The following BNC2 variants were observed in gnomAD, a reference collection of about 807,000 sequenced individuals.
BNC2 encodes zinc finger protein basonuclin-2.
A neutral mutation model predicts 76.3 loss-of-function variants in BNC2; 20 were observed. The ratio of observed to expected loss-of-function variants is 0.26; its 90% CI spans 0.18 to 0.38. The LOEUF (loss-of-function observed/expected upper bound fraction) is 0.38. Ranked by LOEUF, BNC2 falls within the 10% of genes least tolerant of loss-of-function variation. BNC2 has a pLI of 1.00. For synonymous variants in BNC2, 582 were observed against 514.8 expected, an observed-to-expected ratio of 1.13 and a Z score of -1.77; for missense variants, 1,382 against 1,399.8, an observed-to-expected ratio of 0.99 and a Z score of 0.20.
chr9:16,781,342 T>C (rs1046035846), intron 1 of BNC2, among the ~76,000 whole-genome samples: 4 of 151,970 alleles, frequency 2.6e-5, no homozygotes, highest in Admixed American at 2.6e-4. Flanking sequence ...TTTATTATTA[T>C]TATTATGTAT....
At position 16,785,725 on chromosome 9, in the gene BNC2, G is replaced by A. The variant is rs192332200; in HGVS notation, c.4-47240C>T. Among the ~76,000 whole-genome samples the A allele has an allele frequency of 6.8e-3, 1,034 of 151,358 alleles. 8 individuals are homozygous for A. The highest frequency in any genetic ancestry group is 8.4e-3 in the Non-Finnish European group (572 of 67,840). On this transcript the variant is annotated intron_variant, in intron 1 of 6. Transcript: ENST00000380672. Reference sequence around the variant, plus strand: ...TTACGAAAGAATGGATGCAGGCTGGGCGCATCCATTCTTGAGTAAATCAGT... The same window carrying A: ...TTACGAAAGAATGGATGCAGGCTGGACGCATCCATTCTTGAGTAAATCAGT...
At chr9:16,841,106 A>G (rs1258242453) in intron 1 of BNC2, among the ~76,000 whole-genome samples, 1 of 152,190 alleles carries the variant, frequency 6.6e-6, no homozygotes, top group African/African-American at 2.4e-5. Context: ...AAAGGTCACA[A>G]ATTAATGGGC....
At chr9:16,810,662 A>C (rs1471107604) in intron 1 of BNC2, among the ~76,000 whole-genome samples, 2 of 152,214 alleles carry the variant, frequency 1.3e-5, no homozygotes, top group Non-Finnish European at 2.9e-5. Flanking sequence ...TTTGTGCTTA[A>C]ATGAAACTGA....
intron 1 of BNC2, among the ~76,000 whole-genome samples, chr9:16,864,306 A>G (rs1586945974): frequency 6.6e-6 from 1 of 152,250 alleles, no homozygotes; most frequent in East Asian, 1.9e-4. Context: ...GAAAAAGATA[A>G]ACTGCTAATA....
intron 5 of BNC2, among the ~76,000 whole-genome samples, chr9:16,507,477 G>A (rs1206010663): frequency 6.6e-6 from 1 of 152,006 alleles, no homozygotes; most frequent in African/African-American, 2.4e-5. Context: ...TGCCCAAGCT[G>A]GAGTGCAGTG....
intron 5 of BNC2, among the ~76,000 whole-genome samples, chr9:16,470,558 A>AG (rs556534395): frequency 4.1e-4 from 63 of 152,320 alleles, no homozygotes; most frequent in African/African-American, 1.4e-3. Flanking sequence ...GGCTGAGCCC[A>AG]GGGTCCCCAT....
intron 4 of BNC2, among the ~76,000 whole-genome samples, chr9:16,553,502 A>G (rs1299076866): frequency 6.6e-6 from 1 of 152,350 alleles, no homozygotes. Context: ...TTTAAAAAGA[A>G]AGAAATAACA....
intron 1 of BNC2, chr9:16,867,719 C>T (rs1197133041): frequency 8.4e-6 from 1 of 119,154 alleles, no homozygotes; most frequent in Non-Finnish European, 1.6e-5. Flanking sequence ...CCTTTTTGAG[C>T]CAGTGTCCAA....
chr9:16,507,819 C>T (rs1023989902), intron 5 of BNC2, among the ~76,000 whole-genome samples: 20 of 152,200 alleles, frequency 1.3e-4, no homozygotes, highest in African/African-American at 4.6e-4. Context: ...CTTAATTACA[C>T]ATAGCACTAG....
At chr9:16,671,933 G>A (rs1434855289) in intron 3 of BNC2, among the ~76,000 whole-genome samples, 1 of 152,148 alleles carries the variant, frequency 6.6e-6, no homozygotes, top group Non-Finnish European at 1.5e-5. Flanking sequence ...AAATATACCT[G>A]TACATACATT....
chr9:16,804,305 G>A (rs749199635), intron 1 of BNC2, among the ~76,000 whole-genome samples: 12 of 152,318 alleles, frequency 7.9e-5, no homozygotes, highest in South Asian at 2.1e-4. Context: ...TCCCCAGAAC[G>A]TTTTGATGTA....
chr9:16,663,753 A>G (rs1036087613), intron 3 of BNC2, among the ~76,000 whole-genome samples: 2 of 152,236 alleles, frequency 1.3e-5, no homozygotes, highest in Non-Finnish European at 2.9e-5. Flanking sequence ...ACAAAATTTT[A>G]AAGAGTCAGG....
intron 1 of BNC2, among the ~76,000 whole-genome samples, chr9:16,796,700 T>G (rs1817664004): frequency 6.6e-6 from 1 of 152,086 alleles, no homozygotes; most frequent in Non-Finnish European, 1.5e-5. Context: ...AAGAAATCCT[T>G]ATTCCATAGA....
intron 1 of BNC2, among the ~76,000 whole-genome samples, chr9:16,817,760 C>T (rs1818219671): frequency 6.6e-6 from 1 of 152,160 alleles, no homozygotes; most frequent in Non-Finnish European, 1.5e-5. Context: ...CTTTTAGTCA[C>T]TCAATAAGCA....
At chr9:16,655,320 G>C (rs996225078) in intron 3 of BNC2, among the ~76,000 whole-genome samples, 1 of 152,142 alleles carries the variant, frequency 6.6e-6, no homozygotes. Context: ...TGGGGGGACA[G>C]TGCTTATTGC....
rs535410919 is a variant in BNC2 at position 16,713,584 on chromosome 9, C to T, written c.330+14213G>A. Among the ~76,000 whole-genome samples the T allele has an allele frequency of 3.3e-5, 5 of 151,296 alleles. No individual in the cohort carries two copies. In the South Asian group the frequency reaches 1.0e-3, roughly 32 times the overall value. On this transcript the variant is annotated intron_variant, in intron 3 of 6. Coordinates refer to ENST00000380672, the MANE Select transcript of BNC2 (RefSeq NM_017637.6). The stretch of plus-strand genomic sequence containing the variant: ...GAAATGGCTCTGTGGAATGTTAAGG[C>T]TTAATGTAGATGGTTGGTGCCACTG...
chr9:16,844,778 C>A (rs903307023), intron 1 of BNC2, among the ~76,000 whole-genome samples: 6 of 152,026 alleles, frequency 3.9e-5, no homozygotes, highest in Non-Finnish European at 1.5e-5. Context: ...TACAGGCATG[C>A]GCCACCGCAC....
chr9:16,590,149 A>G (rs986950618), intron 3 of BNC2, among the ~76,000 whole-genome samples: 2 of 152,094 alleles, frequency 1.3e-5, no homozygotes, highest in African/African-American at 4.8e-5. Context: ...ATGCATCACA[A>G]TAATTAATAA....
At chr9:16,520,076 C>G (rs12345489) in intron 5 of BNC2, among the ~76,000 whole-genome samples, 2 of 152,238 alleles carry the variant, frequency 1.3e-5, no homozygotes, top group South Asian at 4.1e-4. Context: ...CATAATCTGA[C>G]TTCTGCAGGA....
Sources: gnomAD v4.1 joint callset for allele counts (sites outside exome capture counted in the v4.1 genomes callset) on GRCh38, gnomAD v4.1.1 for gene constraint, MANE v1.5 for transcripts, NCBI Gene and HGNC (gene_info 2026-07-23, HGNC 2026-07-21) for gene names.